MAN1A2: variants seen among roughly 807,000 people sequenced by gnomAD.
MAN1A2 encodes mannosidase alpha class 1A member 2, also known as mannosyl-oligosaccharide 1,2-alpha-mannosidase IB.
A neutral mutation model predicts 75.7 loss-of-function variants in MAN1A2; 26 were observed. The observed-to-expected ratio is 0.34, with a 90% CI of 0.25 to 0.48. MAN1A2 has a LOEUF of 0.48. Among genes scored for constraint, MAN1A2 ranks in the 20% least tolerant of loss-of-function variants. The probability of loss-of-function intolerance (pLI) is 0.99; values close to 1 mark genes in which losing one functional copy is unlikely to be tolerated. For missense variants in MAN1A2, 562 were observed against 775.5 expected, an observed-to-expected ratio of 0.72 and a Z score of 3.27; for synonymous variants, 247 against 264.6, an observed-to-expected ratio of 0.93 and a Z score of 0.65.
At chr1:117,460,308 A>T (rs1649775842) in intron 6 of MAN1A2, among the ~76,000 whole-genome samples, 181 bp from the exon 7 acceptor site, 1 of 152,210 alleles carries the variant, frequency 6.6e-6, no homozygotes, top group African/African-American at 2.4e-5. Context: ...CTACTGTTTT[A>T]ATTTTTAGAA....
At chr1:117,429,344 G>A (rs1277615065) in intron 5 of MAN1A2, among the ~76,000 whole-genome samples, 40 of 137,622 alleles carry the variant, frequency 2.9e-4, no homozygotes, top group African/African-American at 7.6e-4. Context: ...GGTGGTGGCC[G>A]GGCAGAGGGG....
At chr1:117,410,138 T>A (rs543881642) in intron 3 of MAN1A2, among the ~76,000 whole-genome samples, 1 of 152,144 alleles carries the variant, frequency 6.6e-6, no homozygotes, top group South Asian at 2.1e-4. Context: ...GTGTTATTTT[T>A]AAAATTATTT....
chr1:117,455,222 A>C (rs559670926), intron 6 of MAN1A2, among the ~76,000 whole-genome samples: 33 of 152,314 alleles, frequency 2.2e-4, no homozygotes, highest in South Asian at 8.3e-4. Context: ...TGAATCTCAA[A>C]GACATGTTGA....
intron 9 of MAN1A2, among the ~76,000 whole-genome samples, chr1:117,495,631 G>C (rs913081952): frequency 6.6e-6 from 1 of 151,822 alleles, no homozygotes; most frequent in Admixed American, 6.6e-5. Flanking sequence ...GGATATGCTT[G>C]GATATCTTTT....
At chr1:117,370,970 TAGATTTATGATACTG>T (rs1441492516) in intron 1 of MAN1A2, among the ~76,000 whole-genome samples, 1 of 152,178 alleles carries the variant, frequency 6.6e-6, no homozygotes, top group Admixed American at 6.5e-5. Context: ...TGCCACTGAT[TAGATTTATGATACTG>T]AGAAATTTTA....
At chr1:117,484,016 C>T (rs893164431) in intron 8 of MAN1A2, among the ~76,000 whole-genome samples, 6 of 151,880 alleles carry the variant, frequency 4.0e-5, no homozygotes, top group African/African-American at 1.2e-4. Flanking sequence ...ACAGTTGACC[C>T]TTGAACAACA....
chr1:117,381,906 T>C (rs1481706746), intron 1 of MAN1A2, among the ~76,000 whole-genome samples: 2 of 151,724 alleles, frequency 1.3e-5, no homozygotes, highest in African/African-American at 4.8e-5. Context: ...TATCTCATTG[T>C]GGTTTTGATT....
At chr1:117,421,069 A>C (rs1377280916) in intron 5 of MAN1A2, among the ~76,000 whole-genome samples, 2 of 152,108 alleles carry the variant, frequency 1.3e-5, no homozygotes, top group Non-Finnish European at 2.9e-5. Context: ...GTTTTTGGCT[A>C]TAAATAATAA....
At chr1:117,490,197 T>G (rs569534393) in intron 8 of MAN1A2, among the ~76,000 whole-genome samples, 24 of 151,706 alleles carry the variant, frequency 1.6e-4, no homozygotes, top group Middle Eastern at 3.4e-3. Flanking sequence ...CAGGGTTTGG[T>G]GTGTGTGTGT....
At chr1:117,404,839 G>A (rs1485193328) in intron 2 of MAN1A2, among the ~76,000 whole-genome samples, 1 of 152,068 alleles carries the variant, frequency 6.6e-6, no homozygotes, top group African/African-American at 2.4e-5. Context: ...CGGATCATGA[G>A]GTCAGGAGAT....
intron 1 of MAN1A2, among the ~76,000 whole-genome samples, chr1:117,385,734 G>C (rs762808668): frequency 2.0e-5 from 3 of 152,174 alleles, no homozygotes; most frequent in Non-Finnish European, 4.4e-5. Context: ...TGCAGAAAAG[G>C]TATTTATTGG....
intron 12 of MAN1A2, among the ~76,000 whole-genome samples, chr1:117,521,665 C>T (rs1331692578): frequency 6.6e-6 from 1 of 151,862 alleles, no homozygotes; most frequent in Non-Finnish European, 1.5e-5. Flanking sequence ...TCCAGCAATC[C>T]CACTAGTGGG....
At chr1:117,511,479 T>C (rs531368753) in intron 12 of MAN1A2, among the ~76,000 whole-genome samples, 55 of 152,088 alleles carry the variant, frequency 3.6e-4, no homozygotes, top group African/African-American at 1.3e-3. Flanking sequence ...TCAGCCTAGA[T>C]GGATTTTTTT....
chr1:117,404,108 G>A (rs1647536747), intron 2 of MAN1A2, among the ~76,000 whole-genome samples: 1 of 151,950 alleles, frequency 6.6e-6, no homozygotes, highest in Admixed American at 6.6e-5. Context: ...TTATATTCCT[G>A]GGTTAAACTC....
At chr1:117,372,502 A>T (rs11587759) in intron 1 of MAN1A2, among the ~76,000 whole-genome samples, 17,160 of 152,220 alleles carry the variant, frequency 0.11, 1,061 homozygotes, top group Non-Finnish European at 0.14. Flanking sequence ...TGAGGAAACC[A>T]ATATGTTCCC....
chr1:117,401,833 T>G (rs1415779623), intron 1 of MAN1A2, among the ~76,000 whole-genome samples: 7 of 152,152 alleles, frequency 4.6e-5, no homozygotes, highest in Non-Finnish European at 1.0e-4. Flanking sequence ...GGCCTTATGT[T>G]TATATTTTTG....
At chr1:117,512,825 A>G (rs997022136) in intron 12 of MAN1A2, among the ~76,000 whole-genome samples, 1 of 151,450 alleles carries the variant, frequency 6.6e-6, no homozygotes, top group Non-Finnish European at 1.5e-5. Flanking sequence ...ACTATTTAAT[A>G]TAAGCATTTT....
chr1:117,396,935 G>GTT (rs749623787), intron 1 of MAN1A2, among the ~76,000 whole-genome samples: 5 of 142,508 alleles, frequency 3.5e-5, no homozygotes, highest in Admixed American at 7.0e-5. Context: ...AATCATAGAG[G>GTT]TTTTTTTTTT....
At position 117,524,508 on chromosome 1, in the gene MAN1A2, T is replaced by G. The variant is rs1651953709; in HGVS notation, c.*1551T>G. On this transcript the variant is annotated 3_prime_UTR_variant, in exon 13 of 13. Coordinates refer to ENST00000356554, the MANE Select transcript of MAN1A2 (RefSeq NM_006699.5). ...AATTTGAAGATTTCCTGAAACAAAG[T>G]TTGTACAAGAAGCCCACCTTGGAAT... 6.6e-6 allele frequency: 1 copy of G among 151,744 alleles called. No homozygotes were observed. The allele number at this position is 151,744 out of a possible 1,614,324, so 9.4% of individuals were successfully genotyped here. A position where few individuals can be genotyped will look rare whatever the true frequency, so the allele number is the denominator to read the frequency against.
Sources: gnomAD v4.1 joint callset for allele counts (sites outside exome capture counted in the v4.1 genomes callset) on GRCh38, gnomAD v4.1.1 for gene constraint, MANE v1.5 for transcripts, NCBI Gene and HGNC (gene_info 2026-07-23, HGNC 2026-07-21) for gene names.